GHR: variants seen among roughly 807,000 people sequenced by gnomAD.
GHR encodes the protein growth hormone receptor, also known as GH receptor.
GHR carries 35 observed loss-of-function variants against 67.1 expected under a neutral mutation model. The observed-to-expected ratio is 0.52, with a 90% CI of 0.40 to 0.69. GHR has a LOEUF of 0.69. Among genes scored for constraint, GHR ranks in the 30% least tolerant of loss-of-function variants. The pLI is 0.00. For missense variants in GHR, 792 were observed against 764.6 expected (o/e 1.04, Z -0.42); for synonymous variants, 272 against 269.1 (o/e 1.01, Z -0.10).
chr5:42,424,307 G>T lies in GHR; in HGVS notation c.-12+352G>T. 1 of 520,388 alleles carries T rather than the reference G, an allele frequency of 1.9e-6. No homozygotes were observed. The highest frequency in any genetic ancestry group is 3.3e-5 in the East Asian group (1 of 29,870). The allele number at this position is 520,388 out of a possible 1,614,324, so 32.2% of individuals were successfully genotyped here. A position where few individuals can be genotyped will look rare whatever the true frequency, so the allele number is the denominator to read the frequency against. Reference sequence around the variant, plus strand: ...CTGCTCTGGCCCGCGAGTAGTGTACGTGGAGGGGTTTACTCCGGAGACAGT... The same window carrying T: ...CTGCTCTGGCCCGCGAGTAGTGTACTTGGAGGGGTTTACTCCGGAGACAGT... On this transcript the variant is annotated intron_variant, in intron 1 of 9. Coordinates refer to ENST00000230882, the MANE Select transcript of GHR (RefSeq NM_000163.5). The surrounding 1 kb of genome is among the most constrained non-coding windows in gnomAD (Gnocchi z 4.1).
At chr5:42,533,720 G>C (rs1165813623) in intron 1 of GHR, among the ~76,000 whole-genome samples, 1 of 151,436 alleles carries the variant, frequency 6.6e-6, no homozygotes, top group Non-Finnish European at 1.5e-5. Context: ...AGTTATTGGG[G>C]TACAGGTGGT....
intron 3 of GHR, among the ~76,000 whole-genome samples, chr5:42,654,490 G>T (rs145152571): frequency 2.0e-5 from 3 of 151,952 alleles, no homozygotes; most frequent in African/African-American, 2.4e-5. Flanking sequence ...GTTGTTTTAC[G>T]TCTCACCAAA....
rs33934676 is a variant in GHR, at chr5:42,671,641, T to TAAA, written c.137-17234_137-17232dup. Among the ~76,000 whole-genome samples the TAAA allele has an allele frequency of 2.0e-3, 277 of 136,700 alleles. 1 individual carries two copies. The highest frequency in any genetic ancestry group is 8.3e-3 in the East Asian group (39 of 4,694). The allele number at this position is 136,700 out of a possible 152,430, so 89.7% of individuals were successfully genotyped here. The stretch of plus-strand genomic sequence containing the variant: ...GATAAAATCCAACCTCCCTTCATGT[T>TAAA]AAAAAAAAAAAAAAAAACCTTAAGA... On this transcript the variant is annotated intron_variant, in intron 3 of 9. Coordinates refer to ENST00000230882, the MANE Select transcript of GHR (RefSeq NM_000163.5).
At chr5:42,692,268 A>G (rs923910728) in intron 4 of GHR, among the ~76,000 whole-genome samples, 8 of 152,030 alleles carry the variant, frequency 5.3e-5, no homozygotes, top group African/African-American at 1.9e-4. Flanking sequence ...TTGTCTTTAG[A>G]TGAAAAACAT....
At chr5:42,700,193 A>C (rs537921346) in intron 6 of GHR, among the ~76,000 whole-genome samples, 191 bp downstream of exon 6, 7 of 152,338 alleles carry the variant, frequency 4.6e-5, no homozygotes, top group Admixed American at 1.3e-4. Flanking sequence ...GGAGATGCTT[A>C]TGTATATATG....
intron 1 of GHR, among the ~76,000 whole-genome samples, chr5:42,541,645 G>A (rs917516459): frequency 2.0e-5 from 3 of 152,114 alleles, no homozygotes; most frequent in Non-Finnish European, 2.9e-5. Flanking sequence ...AGCAAAAGCA[G>A]GTAGGCCATT....
chr5:42,463,011 TA>T (rs1744553387), intron 1 of GHR, among the ~76,000 whole-genome samples: 1 of 152,138 alleles, frequency 6.6e-6, no homozygotes, highest in Non-Finnish European at 1.5e-5. Context: ...GAATAAGCTA[TA>T]AAAAATAAGG....
chr5:42,711,308 T>C lies in GHR; in HGVS notation c.720T>C (p.Tyr240=). 3.1e-6 allele frequency: 5 copies of C among 1,613,420 alleles called. No individual in the cohort carries two copies. The highest frequency in any genetic ancestry group is 4.2e-6 in the Non-Finnish European group (5 of 1,179,342). Residue 240 remains tyrosine, a synonymous_variant, in exon 7 of 10, where the codon TAT becomes TAC. Coordinates refer to ENST00000230882, the MANE Select transcript of GHR (RefSeq NM_000163.5). ...VRSKQRNSGN[Y]GEFSEVLYVT... is the part of the protein sequence containing the mutation. ...CCAAACAACGAAACTCTGGAAATTA[T>C]GGCGAGTTCAGTGAGGTGCTCTATG...
At position 42,525,161 on chromosome 5, in the gene GHR, CTG is replaced by C. The variant is rs1561095613; in HGVS notation, c.-11-40702_-11-40701del. On this transcript the variant is annotated intron_variant, in intron 1 of 9. Coordinates refer to ENST00000230882, the MANE Select transcript of GHR (RefSeq NM_000163.5). ...AGATCCACCAACAGCTTGCACTGTG[CTG>C]CTGGAAAAGCCGCAGTCACTCAATG... Among the ~76,000 whole-genome samples the C allele has an allele frequency of 3.3e-5, 5 of 152,296 alleles. No individual in the cohort carries two copies. In the South Asian group the frequency reaches 6.2e-4, roughly 19 times the overall value.
At chr5:42,669,982 C>T (rs1756192323) in intron 3 of GHR, among the ~76,000 whole-genome samples, 1 of 152,060 alleles carries the variant, frequency 6.6e-6, no homozygotes, top group Non-Finnish European at 1.5e-5. Context: ...GCAATCCTAT[C>T]AAAATTCCAA....
chr5:42,638,358 C>T lies in GHR; in HGVS notation c.136+9255C>T, dbSNP rs555154319. 1.5e-4 allele frequency among the ~76,000 whole-genome samples: 23 copies of T among 152,288 alleles called. No homozygotes were observed. In the East Asian group the frequency reaches 2.5e-3, roughly 17 times the overall value. On this transcript the variant is annotated intron_variant, in intron 3 of 9. Transcript: ENST00000230882. The stretch of plus-strand genomic sequence containing the variant: ...TTATAAATTTGCTTCATAGTAAACT[C>T]TTCTGAAATAAATTACAGTCATGCA...
intron 3 of GHR, among the ~76,000 whole-genome samples, chr5:42,665,357 A>T (rs1414653930): frequency 6.6e-6 from 1 of 152,234 alleles, no homozygotes; most frequent in Non-Finnish European, 1.5e-5. Flanking sequence ...CGAATGTCCA[A>T]CAATGATAGA....
intron 2 of GHR, among the ~76,000 whole-genome samples, chr5:42,622,158 C>A (rs1220099004): frequency 1.3e-5 from 2 of 152,168 alleles, no homozygotes; most frequent in Non-Finnish European, 2.9e-5. Context: ...AAGGAGGGGG[C>A]CTGGCTGCTA....
At chr5:42,538,648 G>A (rs895289835) in intron 1 of GHR, among the ~76,000 whole-genome samples, 1 of 152,146 alleles carries the variant, frequency 6.6e-6, no homozygotes, top group Non-Finnish European at 1.5e-5. Flanking sequence ...TGGTAACAAT[G>A]TGCCTAGGTG....
At chr5:42,584,786 TACACACAC>T (rs35457239) in intron 2 of GHR, among the ~76,000 whole-genome samples, 21 of 148,148 alleles carry the variant, frequency 1.4e-4, no homozygotes, top group Admixed American at 3.4e-4. Context: ...CTAGAATGTA[TACACACAC>T]ACACACACAC....
At chr5:42,676,967 G>A (rs1005573041) in intron 3 of GHR, among the ~76,000 whole-genome samples, 9 of 151,888 alleles carry the variant, frequency 5.9e-5, no homozygotes, top group Non-Finnish European at 1.2e-4. Context: ...CAGGAACTGC[G>A]TAAAACTCAG....
chr5:42,447,228 T>C (rs988163607), intron 1 of GHR, among the ~76,000 whole-genome samples: 1 of 152,154 alleles, frequency 6.6e-6, no homozygotes. Context: ...ATGTCTAAGA[T>C]TGTGGTGCAC....
intron 1 of GHR, among the ~76,000 whole-genome samples, chr5:42,524,251 G>A (rs1747602916): frequency 6.6e-6 from 1 of 152,186 alleles, no homozygotes; most frequent in Non-Finnish European, 1.5e-5. Context: ...CCAACAGCCT[G>A]ATAACGATAT....
intron 6 of GHR, among the ~76,000 whole-genome samples, chr5:42,706,329 G>A (rs1250229130): frequency 1.3e-5 from 2 of 151,950 alleles, no homozygotes; most frequent in African/African-American, 4.8e-5. Flanking sequence ...AATATTTTCA[G>A]CCATTCTGTA....
Sources: allele counts gnomAD v4.1 joint callset (sites outside exome capture counted in the v4.1 genomes callset), GRCh38; gene constraint gnomAD v4.1.1; non-coding constraint Gnocchi (gnomAD v3.1); transcripts MANE v1.5; gene names NCBI Gene and HGNC (gene_info 2026-07-23, HGNC 2026-07-21).